Variants in RERE observed in about 807,000 individuals in gnomAD.
The protein encoded by RERE is arginine-glutamic acid dipeptide repeats protein.
In RERE, 40 loss-of-function variants were observed where a neutral mutation model predicts 146.1. That is an observed-to-expected ratio of 0.27 (90% CI 0.21 to 0.36). The LOEUF (loss-of-function observed/expected upper bound fraction) is 0.36, where lower values mean the gene tolerates loss of function less well. Among genes scored for constraint, RERE ranks in the 10% least tolerant of loss-of-function variants. The pLI is 1.00. For synonymous variants in RERE, 1,003 were observed against 866.0 expected, an observed-to-expected ratio of 1.16 and a Z score of -2.78; for missense variants, 1,933 against 2,138.7, an observed-to-expected ratio of 0.90 and a Z score of 1.90.
intron 4 of RERE, among the ~76,000 whole-genome samples, chr1:8,562,775 G>C (rs868434171): frequency 2.6e-5 from 4 of 152,030 alleles, no homozygotes; most frequent in Admixed American, 6.6e-5. Context: ...GTTGTTTCTG[G>C]GCTAAATTAT....
chr1:8,684,470 G>A (rs762524714), intron 1 of RERE, among the ~76,000 whole-genome samples: 7 of 151,898 alleles, frequency 4.6e-5, no homozygotes, highest in Non-Finnish European at 8.8e-5. Context: ...AAACACGGAA[G>A]CTTATAAAAT....
At chr1:8,618,440 A>T (rs1351272782) in intron 3 of RERE, among the ~76,000 whole-genome samples, 2 of 152,194 alleles carry the variant, frequency 1.3e-5, no homozygotes, top group Non-Finnish European at 2.9e-5. Flanking sequence ...ACCATCCCTC[A>T]TCTCAATCCC....
intron 1 of RERE, among the ~76,000 whole-genome samples, chr1:8,660,280 A>C (rs1468104037): frequency 3.3e-5 from 5 of 152,214 alleles, no homozygotes; most frequent in Non-Finnish European, 7.3e-5. Context: ...AGTGATCAAC[A>C]CATACCAATG....
At chr1:8,398,637 C>T (rs1643141281) in intron 12 of RERE, among the ~76,000 whole-genome samples, 1 of 152,156 alleles carries the variant, frequency 6.6e-6, no homozygotes, top group Admixed American at 6.5e-5. Flanking sequence ...GAAGTATTCA[C>T]TGAACTCTAG....
intron 6 of RERE, 68 bp from the exon 7 acceptor site, chr1:8,541,386 G>T (rs1318820729): frequency 1.1e-6 from 1 of 910,364 alleles, no homozygotes; most frequent in Non-Finnish European, 1.8e-6. Flanking sequence ...ACTGGAGGGG[G>T]AAGGGTGGAG....
intron 19 of RERE, among the ~76,000 whole-genome samples, chr1:8,359,363 G>A (rs1230669762): frequency 6.6e-6 from 1 of 152,216 alleles, no homozygotes; most frequent in Non-Finnish European, 1.5e-5. Context: ...CAAAGGCAGG[G>A]CAGCTGGAGA....
chr1:8,568,387 C>T (rs1245110464), intron 4 of RERE, among the ~76,000 whole-genome samples: 1 of 152,148 alleles, frequency 6.6e-6, no homozygotes. Context: ...AGATGGCCTG[C>T]GATGGTCTAA....
At chr1:8,488,551 T>C (rs1420578154) in intron 10 of RERE, among the ~76,000 whole-genome samples, 1 of 152,136 alleles carries the variant, frequency 6.6e-6, no homozygotes, top group Non-Finnish European at 1.5e-5. Flanking sequence ...TGCAAGACTT[T>C]TTAAAAATTA....
At chr1:8,661,974 C>T (rs1022226659) in intron 1 of RERE, among the ~76,000 whole-genome samples, 1 of 152,250 alleles carries the variant, frequency 6.6e-6, no homozygotes, top group Non-Finnish European at 1.5e-5. Context: ...ATGAGTTACA[C>T]ATTTCCAAAG....
chr1:8,481,510 A>G (rs1469981403), intron 10 of RERE, among the ~76,000 whole-genome samples: 3 of 152,238 alleles, frequency 2.0e-5, no homozygotes, highest in Non-Finnish European at 4.4e-5. Flanking sequence ...GTATATAAAT[A>G]AGTGTGCTTA....
intron 1 of RERE, among the ~76,000 whole-genome samples, chr1:8,801,959 G>A (rs1641599222): frequency 1.3e-5 from 2 of 152,238 alleles, no homozygotes; most frequent in Middle Eastern, 3.4e-3. Context: ...TATAAGTATT[G>A]AATTGAAAAA....
intron 4 of RERE, among the ~76,000 whole-genome samples, chr1:8,602,043 T>C (rs944909242): frequency 6.6e-6 from 1 of 152,150 alleles, no homozygotes; most frequent in African/African-American, 2.4e-5. Context: ...CCCTTCTCTC[T>C]AATAAAAATT....
chr1:8,500,074 T>C (rs1451673953), intron 8 of RERE, among the ~76,000 whole-genome samples: 5 of 152,158 alleles, frequency 3.3e-5, no homozygotes, highest in Non-Finnish European at 7.4e-5. Flanking sequence ...TGAGCTGAGA[T>C]TGCACCACTG....
At chr1:8,713,658 C>T (rs1051746258) in intron 1 of RERE, among the ~76,000 whole-genome samples, 1 of 151,942 alleles carries the variant, frequency 6.6e-6, no homozygotes, top group African/African-American at 2.4e-5. Flanking sequence ...CACTTGAACC[C>T]GGGAGGCAGA....
At chr1:8,678,819 T>C (rs1638902358) in intron 1 of RERE, among the ~76,000 whole-genome samples, 1 of 152,166 alleles carries the variant, frequency 6.6e-6, no homozygotes, top group Non-Finnish European at 1.5e-5. Flanking sequence ...TAATCATGTG[T>C]CCACAAAACC....
intron 2 of RERE, among the ~76,000 whole-genome samples, chr1:8,654,515 A>C (rs534629926): frequency 6.6e-6 from 1 of 152,224 alleles, no homozygotes; most frequent in Admixed American, 6.5e-5. Flanking sequence ...GGGCAGCTTT[A>C]ATCTGCTAAT....
intron 11 of RERE, among the ~76,000 whole-genome samples, chr1:8,445,906 G>A (rs991004438): frequency 2.1e-5 from 3 of 139,936 alleles, no homozygotes; most frequent in African/African-American, 5.4e-5. Context: ...TCCCACTTAC[G>A]AGTGAGAACA....
At chr1:8,397,266 T>C (rs564281514) in intron 12 of RERE, among the ~76,000 whole-genome samples, 2 of 150,846 alleles carry the variant, frequency 1.3e-5, no homozygotes, top group East Asian at 3.9e-4. Context: ...CTCATGGAGA[T>C]GCTATGAAGG....
intron 10 of RERE, among the ~76,000 whole-genome samples, chr1:8,492,108 A>C (rs548418674): frequency 5.3e-5 from 8 of 152,326 alleles, no homozygotes; most frequent in Non-Finnish European, 8.8e-5. Flanking sequence ...TCAATTCATC[A>C]CAAAATATGT....
Sources: gnomAD v4.1 joint callset for allele counts (sites outside exome capture counted in the v4.1 genomes callset) on GRCh38, gnomAD v4.1.1 for gene constraint, MANE v1.5 for transcripts, NCBI Gene and HGNC (gene_info 2026-07-23, HGNC 2026-07-21) for gene names.